PSD3: variants seen among roughly 807,000 people sequenced by gnomAD.
The protein encoded by PSD3 is pleckstrin and Sec7 domain containing 3.
PSD3 carries 49 observed loss-of-function variants against 105.5 expected under a neutral mutation model. That is an observed-to-expected ratio of 0.46 (90% confidence interval 0.37 to 0.59). The LOEUF (loss-of-function observed/expected upper bound fraction) is 0.59. Ranked by LOEUF, PSD3 falls within the 20% of genes least tolerant of loss-of-function variation. The probability of loss-of-function intolerance (pLI) is 0.00; values close to 1 mark genes in which losing one functional copy is unlikely to be tolerated. For missense variants in PSD3, 1,561 were observed against 1,263.8 expected (o/e 1.24, Z -3.57); for synonymous variants, 557 against 457.8 (o/e 1.22, Z -2.77).
chr8:18,594,165 TAC>T (rs1373795370), intron 12 of PSD3, among the ~76,000 whole-genome samples: 5 of 34,018 alleles, frequency 1.5e-4, no homozygotes, highest in African/African-American at 3.4e-4. Context: ...TATTATTATA[TAC>T]ATATTATATA....
chr8:18,695,756 C>T (rs1478812438), intron 9 of PSD3, among the ~76,000 whole-genome samples: 2 of 152,144 alleles, frequency 1.3e-5, no homozygotes, highest in South Asian at 4.1e-4. Context: ...TACCTTGTAA[C>T]CTCACAGTTC....
At chr8:18,968,068 C>T (rs539891951) in intron 1 of PSD3, among the ~76,000 whole-genome samples, 15 of 152,284 alleles carry the variant, frequency 9.9e-5, no homozygotes, top group Admixed American at 4.6e-4. Flanking sequence ...AAGCTCCTCA[C>T]GGTGGCTCCA....
chr8:18,690,882 C>G (rs535116250), intron 9 of PSD3, among the ~76,000 whole-genome samples: 2 of 152,218 alleles, frequency 1.3e-5, no homozygotes, highest in African/African-American at 4.8e-5. Context: ...CTCAATTGGA[C>G]ATAAAACTGC....
At chr8:18,797,745 T>C (rs574508220) in intron 8 of PSD3, among the ~76,000 whole-genome samples, 1 of 152,194 alleles carries the variant, frequency 6.6e-6, no homozygotes, top group Non-Finnish European at 1.5e-5. Context: ...CTAAGAGATC[T>C]GCAACCTTTA....
At chr8:18,732,414 T>C (rs764867047) in intron 9 of PSD3, among the ~76,000 whole-genome samples, 2 of 152,184 alleles carry the variant, frequency 1.3e-5, no homozygotes, top group Non-Finnish European at 2.9e-5. Context: ...TCATCATCAG[T>C]TCATTTGCTA....
At chr8:18,813,688 C>G (rs1811917566) in intron 4 of PSD3, among the ~76,000 whole-genome samples, 1 of 152,134 alleles carries the variant, frequency 6.6e-6, no homozygotes, top group African/African-American at 2.4e-5. Context: ...GTTAGACCAC[C>G]CAAGTTCAAA....
At chr8:18,863,800 T>C (rs1412618959) in intron 4 of PSD3, among the ~76,000 whole-genome samples, 3 of 152,034 alleles carry the variant, frequency 2.0e-5, no homozygotes, top group African/African-American at 4.8e-5. Context: ...TAGAATATTA[T>C]AGATTTGGAA....
At chr8:18,870,629 T>G (rs994787421) in intron 3 of PSD3, among the ~76,000 whole-genome samples, 1 of 150,846 alleles carries the variant, frequency 6.6e-6, no homozygotes, top group Non-Finnish European at 1.5e-5. Context: ...TGTATACTTA[T>G]GTAACAAACC....
chr8:18,975,401 T>C (rs571951458), intron 1 of PSD3, among the ~76,000 whole-genome samples: 3 of 149,718 alleles, frequency 2.0e-5, no homozygotes, highest in South Asian at 4.2e-4. Context: ...GGCTCAGGAG[T>C]AGAAGGCTAT....
In PSD3 at chr8:18,804,807, T is replaced by C. The variant is rs1811055985; in HGVS notation, c.1726A>G (p.Asn576Asp). The C allele has an allele frequency of 6.2e-7, 1 of 1,613,954 alleles. No homozygotes were observed. The highest frequency in any genetic ancestry group is 1.3e-5 in the African/African-American group (1 of 74,912). ...LEKETPENLS[N>D]GTSSNVEAAK... is the part of the protein sequence containing the mutation. The stretch of plus-strand genomic sequence containing the variant: ...GCTTCCACATTGCTGCTGGTACCAT[T>C]ACTGAGATTTTCTGGGGTCTCCTTT... Residue 576 changes from asparagine to aspartate, a missense_variant, in exon 5 of 16, where the codon AAT (asparagine) becomes GAT (aspartate). By Grantham distance (23) the Asn-to-Asp change is conservative. Transcript: ENST00000327040.
chr8:18,932,575 CT>C (rs1443220016), intron 2 of PSD3, among the ~76,000 whole-genome samples: 3 of 152,204 alleles, frequency 2.0e-5, no homozygotes, highest in African/African-American at 7.2e-5. Flanking sequence ...ATGAGAGAGA[CT>C]GGATTTTTAA....
chr8:18,996,172 C>A lies in PSD3; in HGVS notation c.21+17391G>T, dbSNP rs530166424. 1.4e-4 allele frequency among the ~76,000 whole-genome samples: 22 copies of A among 152,048 alleles called. No homozygotes were observed. In the East Asian group the frequency reaches 4.1e-3, roughly 28 times the overall value. On this transcript the variant is annotated intron_variant, in intron 1 of 15. Transcript: ENST00000327040. Reference sequence around the variant, plus strand: ...GTGGTTGCTACCTGGAAACATGGGGCCTTTTGTGTTTAATGCATGCAATGA... The same window carrying A: ...GTGGTTGCTACCTGGAAACATGGGGACTTTTGTGTTTAATGCATGCAATGA...
chr8:18,595,761 T>C (rs1046279774), intron 12 of PSD3, among the ~76,000 whole-genome samples: 1 of 152,024 alleles, frequency 6.6e-6, no homozygotes, highest in Admixed American at 6.6e-5. Context: ...CACGTAAATA[T>C]ATAGAGTAAA....
At chr8:18,605,927 G>C (rs73213604) in intron 11 of PSD3, among the ~76,000 whole-genome samples, 3,362 of 152,244 alleles carry the variant, frequency 0.022, 64 homozygotes, top group Non-Finnish European at 0.033. Flanking sequence ...ACACTGAGCA[G>C]ATGCCAGCAT....
intron 4 of PSD3, among the ~76,000 whole-genome samples, chr8:18,853,129 C>G (rs879880756): frequency 1.3e-5 from 2 of 152,106 alleles, no homozygotes; most frequent in Non-Finnish European, 2.9e-5. Flanking sequence ...CAAATATTCT[C>G]TTTGTCATTT....
At chr8:18,617,651 C>T (rs1585403262) in intron 11 of PSD3, among the ~76,000 whole-genome samples, 1 of 141,300 alleles carries the variant, frequency 7.1e-6, no homozygotes, top group African/African-American at 2.5e-5. Context: ...TCCAAAGGAA[C>T]TTGAAAAACC....
intron 11 of PSD3, among the ~76,000 whole-genome samples, chr8:18,629,648 C>A (rs1178502457): frequency 6.6e-6 from 1 of 151,776 alleles, no homozygotes; most frequent in Non-Finnish European, 1.5e-5. Context: ...TTAGAAAAGG[C>A]AAAAGTATAG....
intron 9 of PSD3, among the ~76,000 whole-genome samples, chr8:18,734,757 C>T (rs540767424): frequency 3.4e-4 from 52 of 152,212 alleles, no homozygotes; most frequent in African/African-American, 1.1e-3. Context: ...CCTGTGAACC[C>T]GTAACTGTAA....
intron 4 of PSD3, among the ~76,000 whole-genome samples, chr8:18,841,253 G>A (rs1053622888): frequency 1.6e-4 from 25 of 152,084 alleles, no homozygotes; most frequent in Non-Finnish European, 1.9e-4. Context: ...CAATATTCAT[G>A]CATGCTCAGG....
Sources: gnomAD v4.1 joint callset for allele counts (sites outside exome capture counted in the v4.1 genomes callset) on GRCh38, gnomAD v4.1.1 for gene constraint, MANE v1.5 for transcripts, NCBI Gene and HGNC (gene_info 2026-07-23, HGNC 2026-07-21) for gene names.